Variants in GALK2 observed in about 807,000 individuals in gnomAD.
The protein encoded by GALK2 is N-acetylgalactosamine kinase.
GALK2 carries 36 observed loss-of-function variants against 52.4 expected under a neutral mutation model. That is an observed-to-expected ratio of 0.69 (90% CI 0.53 to 0.91). The LOEUF (loss-of-function observed/expected upper bound fraction) is 0.91, where lower values mean the gene tolerates loss of function less well. Among genes scored for constraint, GALK2 ranks in the 40% least tolerant of loss-of-function variants. The pLI, the probability that GALK2 is intolerant of heterozygous loss-of-function variation, is 0.00. For synonymous variants in GALK2, 176 were observed against 199.1 expected (o/e 0.88, Z 0.98); for missense variants, 579 against 559.1 (o/e 1.04, Z -0.36).
At chr15:49,249,970 C>G (rs2091517586) in intron 5 of GALK2, among the ~76,000 whole-genome samples, 1 of 152,138 alleles carries the variant, frequency 6.6e-6, no homozygotes, top group South Asian at 2.1e-4. Context: ...AAGTTGCTAG[C>G]CAATTGGGAC....
chr15:49,305,891 A>G (rs2035507149), intron 8 of GALK2, among the ~76,000 whole-genome samples: 1 of 152,182 alleles, frequency 6.6e-6, no homozygotes. Flanking sequence ...ACATAAGCAC[A>G]TTTGTAATCA....
At chr15:49,192,821 A>C (rs2086870149) in intron 1 of GALK2, among the ~76,000 whole-genome samples, 1 of 151,674 alleles carries the variant, frequency 6.6e-6, no homozygotes, top group Non-Finnish European at 1.5e-5. Flanking sequence ...GCCTTTTAAA[A>C]ATTTTTTCTT....
chr15:49,173,165 G>GT (rs548588078), intron 1 of GALK2, among the ~76,000 whole-genome samples: 40 of 152,112 alleles, frequency 2.6e-4, no homozygotes, highest in African/African-American at 9.2e-4. Flanking sequence ...TAAAATGTGT[G>GT]TTTTTTTGGT....
At chr15:49,339,920 G>A (rs1331100323) in intron 3 of GALK2, among the ~76,000 whole-genome samples, 1 of 152,142 alleles carries the variant, frequency 6.6e-6, no homozygotes, top group East Asian at 1.9e-4. Flanking sequence ...TACACTGTGC[G>A]GGTAAAACTG....
chr15:49,327,574 A>G (rs2037736939), intron 9 of GALK2: 1 of 158,738 alleles, frequency 6.3e-6, no homozygotes, highest in Non-Finnish European at 1.4e-5. Flanking sequence ...GGTTGCCTAC[A>G]TTTCTTTTAC....
At chr15:49,178,581 T>C (rs2085709128) in intron 1 of GALK2, 1 of 233,604 alleles carries the variant, frequency 4.3e-6, no homozygotes, top group South Asian at 6.2e-5. Flanking sequence ...TGCTTGGCCT[T>C]GTAGCCCTGT....
chr15:49,202,512 G>A (rs1037532882), intron 2 of GALK2, among the ~76,000 whole-genome samples: 5 of 152,174 alleles, frequency 3.3e-5, no homozygotes, highest in Non-Finnish European at 7.3e-5. Flanking sequence ...GCTCATCCAT[G>A]TTGCTGTGAA....
intron 3 of GALK2, among the ~76,000 whole-genome samples, chr15:49,234,269 A>G (rs1344376735): frequency 6.6e-6 from 1 of 152,180 alleles, no homozygotes; most frequent in Non-Finnish European, 1.5e-5. Context: ...ACACAAGAAT[A>G]GCATAAGGAA....
At chr15:49,344,213 TATC>T (rs1333877019) in intron 3 of GALK2, 2 of 152,152 alleles carry the variant, frequency 1.3e-5, no homozygotes, top group African/African-American at 2.4e-5. Context: ...GAAAGAAAAT[TATC>T]ATAATCCCAT....
At chr15:49,262,402 A>C (rs1595878603) in intron 5 of GALK2, among the ~76,000 whole-genome samples, 1 of 151,918 alleles carries the variant, frequency 6.6e-6, no homozygotes, top group Admixed American at 6.6e-5. Context: ...TTTCTGTGGG[A>C]TCGGTGGTGA....
chr15:49,309,711 C>T (rs1295702762), intron 8 of GALK2, among the ~76,000 whole-genome samples: 1 of 151,768 alleles, frequency 6.6e-6, no homozygotes, highest in Non-Finnish European at 1.5e-5. Flanking sequence ...ACCTCTGCTT[C>T]CCGGGTTCAA....
Position 49,297,306 on chromosome 15 carries a change from CT to C in GALK2, c.967+4774del, listed in dbSNP as rs2034569635. Among the ~76,000 whole-genome samples, 4 of 151,764 alleles carry C rather than the reference CT, an allele frequency of 2.6e-5. No homozygotes were observed. In the South Asian group the frequency reaches 8.3e-4, roughly 32 times the overall value. On this transcript the variant is annotated intron_variant, in intron 8 of 9. Coordinates refer to ENST00000560031, the MANE Select transcript of GALK2 (RefSeq NM_002044.4). ...GTTTCTTGCTTGTTGATTTGTTTAC[CT>C]TTTTCATAGATTCTGGATATTAGAC...
intron 1 of GALK2, among the ~76,000 whole-genome samples, chr15:49,177,192 C>T (rs1172315606): frequency 6.6e-6 from 1 of 151,870 alleles, no homozygotes; most frequent in Non-Finnish European, 1.5e-5. Context: ...CTATTTTCCC[C>T]TGGTTCAATA....
chr15:49,239,709 C>A (rs1345008031), intron 5 of GALK2, among the ~76,000 whole-genome samples: 1 of 152,030 alleles, frequency 6.6e-6, no homozygotes, highest in Non-Finnish European at 1.5e-5. Flanking sequence ...TCACCCAAAA[C>A]CTTAAATTAA....
intron 5 of GALK2, among the ~76,000 whole-genome samples, chr15:49,267,572 T>C (rs2092401782): frequency 6.6e-6 from 1 of 152,196 alleles, no homozygotes. Flanking sequence ...GAAATCTGTT[T>C]GGGTATGTCT....
Position 49,366,503 on chromosome 15 carries a change from G to C in GALK2, c.427-988G>C, listed in dbSNP as rs2045216287. ...GGAAGTCAGATTCATCAAACTAATG[G>C]AAGTTGCATTTTCTAGGGTACTTGG... On this transcript the variant is annotated intron_variant, in intron 3 of 3. Transcript: ENST00000558399. 2.3e-6 allele frequency: 3 copies of C among 1,284,366 alleles called. No homozygotes were observed. In the South Asian group the frequency reaches 3.5e-5, roughly 15 times the overall value. The allele number at this position is 1,284,366 out of a possible 1,614,324, so 79.6% of individuals were successfully genotyped here.
rs1312855225 is a variant in GALK2, at chr15:49,331,242, T to C, written c.*3083T>C. 1.3e-5 allele frequency: 2 copies of C among 153,234 alleles called. No homozygotes were observed. The highest frequency in any genetic ancestry group is 1.5e-5 in the Non-Finnish European group (1 of 68,870). 9.5% of individuals were successfully genotyped at this position (153,234 alleles called of 1,614,324 possible). ...ACTAGTCTCTACATGTTCTTGTCTG[T>C]TGGGAGAGAAGAAGCCCTTCAGACT... On this transcript the variant is annotated 3_prime_UTR_variant, in exon 10 of 10. Transcript: ENST00000560031.
At chr15:49,288,747 T>A (rs2033640547) in intron 7 of GALK2, among the ~76,000 whole-genome samples, 2 of 152,212 alleles carry the variant, frequency 1.3e-5, no homozygotes, top group African/African-American at 4.8e-5. Flanking sequence ...GGACCTTCAG[T>A]GCTATGCTCA....
At chr15:49,357,025 T>C (rs2043275142) in intron 3 of GALK2, among the ~76,000 whole-genome samples, 1 of 151,404 alleles carries the variant, frequency 6.6e-6, no homozygotes, top group African/African-American at 2.4e-5. Context: ...AAAGATGCTC[T>C]TTGAAACCAA....
Sources: gnomAD v4.1 joint callset for allele counts (sites outside exome capture counted in the v4.1 genomes callset) on GRCh38, gnomAD v4.1.1 for gene constraint, MANE v1.5 for transcripts, NCBI Gene and HGNC (gene_info 2026-07-23, HGNC 2026-07-21) for gene names.